The following DNAH17 variants were observed in gnomAD, a reference collection of about 807,000 sequenced individuals.
DNAH17 encodes the protein axonemal beta dynein heavy chain 17.
A neutral mutation model predicts 485.6 loss-of-function variants in DNAH17; 376 were observed. The ratio of observed to expected loss-of-function variants is 0.77; its 90% confidence interval spans 0.71 to 0.84. The LOEUF is 0.84. Among genes scored for constraint, DNAH17 ranks in the 40% least tolerant of loss-of-function variants. The pLI, the probability that DNAH17 is intolerant of heterozygous loss-of-function variation, is 0.00. For synonymous variants in DNAH17, 3,031 were observed against 2,405.9 expected (o/e 1.26, Z -7.60); for missense variants, 6,370 against 5,839.3 (o/e 1.09, Z -2.96).
chr17:78,567,171 T>C lies in DNAH17; in HGVS notation c.1285-5A>G, dbSNP rs370757080. ...AATTGCTGTTTTATAGAGTTCCTAG[T>C]GGAGGAGAAAAACACAGTCAATTCA... On this transcript the variant is annotated splice_region_variant and splice_polypyrimidine_tract_variant and intron_variant, in intron 9 of 80. Coordinates refer to ENST00000389840, the MANE Select transcript of DNAH17 (RefSeq NM_173628.4). 56 of 1,591,272 alleles carry C rather than the reference T, an allele frequency of 3.5e-5. No individual in the cohort carries two copies. Among genetic ancestry groups the C allele is most frequent in the Admixed American group, 8.9e-5 (5 of 56,332 alleles).
chr17:78,558,187 G>T lies in DNAH17; in HGVS notation c.2099C>A (p.Ala700Glu), dbSNP rs559643725. The T allele has an allele frequency of 1.2e-6, 2 of 1,613,556 alleles. No homozygotes were observed. The highest frequency in any genetic ancestry group is 1.7e-6 in the Non-Finnish European group (2 of 1,179,752). Reference protein sequence around the residue: ...FQQQKEIPDSAESLFSENETF... With the variant: ...FQQQKEIPDSEESLFSENETF... Reference sequence around the variant, plus strand: ...TTCGTTCTCTGAGAACAGACTCTCCGCACTGTCTGGAATCTCTTTCTGTTG... The same window carrying T: ...TTCGTTCTCTGAGAACAGACTCTCCTCACTGTCTGGAATCTCTTTCTGTTG... The change falls in exon 14 of 81, where the codon GCG becomes GAG. Residue 700 changes from alanine to glutamate, a missense_variant. Ala to Glu is a moderately radical substitution (Grantham distance 107). Transcript: ENST00000389840.
intron 17 of DNAH17, among the ~76,000 whole-genome samples, chr17:78,543,090 G>A (rs1178518459): frequency 2.0e-5 from 3 of 148,700 alleles, no homozygotes; most frequent in Non-Finnish European, 4.4e-5. Context: ...TTAAAGATAA[G>A]GCTCGCTTGG....
rs901003289 is a variant in DNAH17 at position 78,507,793 on chromosome 17, G to A, written c.4249C>T (p.Leu1417=). ...ESGMEKVLKA[L]DSTWSMMEFQ... ...TCCATCATGCTCCAGGTACTGTCCAGGGCTTTCAGCACCTTTTGGGGGAAC... is the reference window on the plus strand; with the variant it reads ...TCCATCATGCTCCAGGTACTGTCCAAGGCTTTCAGCACCTTTTGGGGGAAC... Residue 1417 remains leucine (L), a synonymous_variant, in exon 28 of 81, where the codon CTG becomes TTG. Transcript: ENST00000389840. 2 of 1,571,520 alleles carry A rather than the reference G, an allele frequency of 1.3e-6. No individual in the cohort carries two copies. Among genetic ancestry groups the A allele is most frequent in the Non-Finnish European group, 1.7e-6 (2 of 1,163,804 alleles).
intron 18 of DNAH17, among the ~76,000 whole-genome samples, chr17:78,538,485 A>T (rs1044169624): frequency 6.6e-6 from 1 of 152,204 alleles, no homozygotes; most frequent in Non-Finnish European, 1.5e-5. Flanking sequence ...CCTGTGGGTT[A>T]TGAGCTTTTG....
At position 78,486,148 on chromosome 17, in the gene DNAH17, A is replaced by C. The variant is rs1364352218; in HGVS notation, c.7102-15T>G. The C allele has an allele frequency of 1.9e-6, 3 of 1,610,498 alleles. No individual in the cohort carries two copies. Among genetic ancestry groups the C allele is most frequent in the Non-Finnish European group, 2.5e-6 (3 of 1,177,838 alleles). ...TAATCCACAAGCTGTTGAGACACAG[A>C]AGTAAAAATCAGGGCCCAGCTAAGC... On this transcript the variant is annotated splice_polypyrimidine_tract_variant and intron_variant, in intron 45 of 80. Coordinates refer to ENST00000389840, the MANE Select transcript of DNAH17 (RefSeq NM_173628.4).
At chr17:78,569,943 G>T (rs774357903) in intron 7 of DNAH17, among the ~76,000 whole-genome samples, 3 of 152,202 alleles carry the variant, frequency 2.0e-5, no homozygotes, top group Non-Finnish European at 4.4e-5. Flanking sequence ...ACGGAAGGTG[G>T]TTTGATGTGC....
chr17:78,434,541 A>T (rs1214037430), intron 74 of DNAH17, among the ~76,000 whole-genome samples: 1 of 152,134 alleles, frequency 6.6e-6, no homozygotes, highest in Non-Finnish European at 1.5e-5. Flanking sequence ...TTTAATACGA[A>T]ATAATGTTCC....
At chr17:78,486,605 C>T (rs2146651475) in intron 44 of DNAH17, 99 bp from the exon 45 acceptor site, 1 of 1,413,834 alleles carries the variant, frequency 7.1e-7, no homozygotes. Flanking sequence ...CCCAATTCTG[C>T]TGGGGCTGCC....
intron 58 of DNAH17, 117 bp from the exon 59 acceptor site, chr17:78,460,374 G>A (rs994186871): frequency 6.0e-5 from 42 of 697,700 alleles, no homozygotes; most frequent in African/African-American, 5.3e-4. Context: ...ACGTGCATGA[G>A]TGTATGTGTG....
intron 16 of DNAH17, among the ~76,000 whole-genome samples, chr17:78,548,494 G>A (rs1410710587): frequency 2.6e-5 from 4 of 152,168 alleles, no homozygotes. Context: ...ATGAGCCACT[G>A]CACCCGGCCA....
chr17:78,482,122 G>A (rs1483466273), intron 48 of DNAH17, among the ~76,000 whole-genome samples: 14 of 131,318 alleles, frequency 1.1e-4, no homozygotes, highest in African/African-American at 2.9e-4. Flanking sequence ...CTCTCACCCC[G>A]GCTGGAGTGC....
chr17:78,512,922 CAG>C (rs1002475065), intron 26 of DNAH17, among the ~76,000 whole-genome samples: 65 of 111,242 alleles, frequency 5.8e-4, no homozygotes, highest in South Asian at 1.2e-3. Flanking sequence ...GCCTGGGCAA[CAG>C]AGAGAGACTC....
chr17:78,512,744 C>G (rs593333), intron 26 of DNAH17, among the ~76,000 whole-genome samples: 1 of 151,738 alleles, frequency 6.6e-6, no homozygotes, highest in East Asian at 1.9e-4. Flanking sequence ...GAGTTTGAGA[C>G]CAGCTTGGCC....
intron 51 of DNAH17, among the ~76,000 whole-genome samples, chr17:78,478,250 CCAT>C (rs1370221437): frequency 2.9e-5 from 3 of 102,128 alleles, no homozygotes; most frequent in Admixed American, 1.1e-4. Flanking sequence ...ATCATCACCA[CCAT>C]CACCATTATC....
intron 11 of DNAH17, 92 bp downstream of exon 11, chr17:78,566,522 A>G: frequency 1.1e-6 from 1 of 925,452 alleles, no homozygotes; most frequent in South Asian, 1.5e-5. Context: ...CTACATGGAG[A>G]GGATGAAATG....
At position 78,500,422 on chromosome 17, in the gene DNAH17, CATG is replaced by C. The variant is rs1357866164; in HGVS notation, c.5520_5522del (p.Ile1840del). On this transcript the variant is annotated inframe_deletion, in exon 36 of 81. Transcript: ENST00000389840. The stretch of plus-strand genomic sequence containing the variant: ...CAGCGGGGCCGGCAGGGGCTCCACC[CATG>C]ATGAGATGGAGGGACTGGGTCAGGG... 3.1e-6 allele frequency: 5 copies of C among 1,608,412 alleles called. No individual in the cohort carries two copies. The South Asian group carries it at 5.5e-5, about 18-fold the overall frequency.
chr17:78,439,664 ACT>A (rs1491473453), intron 72 of DNAH17, among the ~76,000 whole-genome samples: 1 of 83,514 alleles, frequency 1.2e-5, no homozygotes. Flanking sequence ...TCAGTACTTC[ACT>A]TTTTTTTTTT....
At chr17:78,455,960 CAAT>C (rs1347591601) in intron 62 of DNAH17, 124 bp from the exon 63 acceptor site, 6 of 789,584 alleles carry the variant, frequency 7.6e-6, no homozygotes, top group Non-Finnish European at 9.3e-6. Flanking sequence ...CTCAGTGGCT[CAAT>C]GATGAAAATG....
At chr17:78,573,689 C>T (rs114724117) in intron 2 of DNAH17, among the ~76,000 whole-genome samples, 1,584 of 151,736 alleles carry the variant, frequency 0.01, 30 homozygotes, top group African/African-American at 0.036. Context: ...GGAGATTAGA[C>T]ATGCACAGAA....
Sources: gnomAD v4.1 joint callset for allele counts (sites outside exome capture counted in the v4.1 genomes callset) on GRCh38, gnomAD v4.1.1 for gene constraint, MANE v1.5 for transcripts, NCBI Gene and HGNC (gene_info 2026-07-23, HGNC 2026-07-21) for gene names.